The following ANO3 variants were observed in gnomAD, a reference collection of about 807,000 sequenced individuals.
ANO3 encodes the protein anoctamin 3.
In ANO3, 99 loss-of-function variants were observed where a neutral mutation model predicts 144.8. The observed-to-expected ratio is 0.68, with a 90% CI of 0.58 to 0.81. The LOEUF is 0.81. Among genes scored for constraint, ANO3 ranks in the 30% least tolerant of loss-of-function variants. ANO3 has a pLI of 0.00. For missense variants in ANO3, 905 were observed against 1,202.2 expected (o/e 0.75, Z 3.66); for synonymous variants, 414 against 392.6 (o/e 1.05, Z -0.64).
intron 1 of ANO3, among the ~76,000 whole-genome samples, chr11:26,300,858 T>C (rs1368605646): frequency 7.9e-6 from 1 of 125,810 alleles, no homozygotes; most frequent in Non-Finnish European, 1.6e-5. Flanking sequence ...TTTTTTTCTT[T>C]TTTTTTTTTT....
At chr11:26,355,514 T>C (rs1470385168) in intron 1 of ANO3, among the ~76,000 whole-genome samples, 1 of 152,084 alleles carries the variant, frequency 6.6e-6, no homozygotes, top group Non-Finnish European at 1.5e-5. Context: ...TTCTACACTG[T>C]TGGGGTCTTG....
At chr11:26,480,571 G>A (rs1416718334) in intron 4 of ANO3, among the ~76,000 whole-genome samples, 1 of 152,160 alleles carries the variant, frequency 6.6e-6, no homozygotes, top group Non-Finnish European at 1.5e-5. Flanking sequence ...ACTTTGGGAG[G>A]CCAAGATGTG....
intron 3 of ANO3, among the ~76,000 whole-genome samples, chr11:26,455,928 C>T (rs1374464508): frequency 1.3e-5 from 2 of 151,768 alleles, no homozygotes; most frequent in Non-Finnish European, 2.9e-5. Flanking sequence ...CATATATCTA[C>T]AACTATCTGA....
chr11:26,221,880 C>T (rs923058858), intron 1 of ANO3, among the ~76,000 whole-genome samples: 2 of 152,164 alleles, frequency 1.3e-5, no homozygotes, highest in Non-Finnish European at 2.9e-5. Flanking sequence ...CCTCCATGAC[C>T]TAAATACCTC....
intron 3 of ANO3, among the ~76,000 whole-genome samples, chr11:26,457,441 A>G (rs1227070307): frequency 1.3e-5 from 2 of 151,884 alleles, no homozygotes; most frequent in Non-Finnish European, 2.9e-5. Context: ...AATTAAAGAT[A>G]GGACTTTTTT....
intron 1 of ANO3, among the ~76,000 whole-genome samples, chr11:26,261,211 AT>A (rs200304589): frequency 9.9e-5 from 15 of 151,058 alleles, no homozygotes; most frequent in East Asian, 2.0e-4. Context: ...GCTTTTCACT[AT>A]TTTTTTTTAC....
intron 1 of ANO3, among the ~76,000 whole-genome samples, chr11:26,206,627 T>C (rs1221105831): frequency 2.6e-5 from 4 of 152,164 alleles, no homozygotes; most frequent in Admixed American, 6.6e-5. Context: ...GAAAAACATG[T>C]ACAAGGACAA....
rs1851723388 is a variant in ANO3 at position 26,599,133 on chromosome 11, T to C, written c.1671+135T>C. On this transcript the variant is annotated intron_variant, in intron 16 of 26. Transcript: ENST00000256737. ...TCCAACAACTTGGTAACACGTACAA[T>C]TAAACAAACAAATCACAACAGGTTA... is the stretch of plus-strand genomic sequence containing the variant. 4 of 917,804 alleles carry C rather than the reference T, an allele frequency of 4.4e-6. No homozygotes were observed. The East Asian group carries it at 1.0e-4, about 24-fold the overall frequency. 56.9% of individuals were successfully genotyped at this position (917,804 alleles called of 1,614,324 possible). A position where few individuals can be genotyped will look rare whatever the true frequency, so the allele number is the denominator to read the frequency against.
upstream of ANO3, chr11:26,332,062 A>G (rs1323650243): frequency 2.9e-6 from 4 of 1,402,612 alleles, no homozygotes; most frequent in Non-Finnish European, 3.7e-6. Flanking sequence ...AGTAGCCGCT[A>G]AGGGGAGCCG....
chr11:26,592,953 G>A (rs1851495728), intron 14 of ANO3, among the ~76,000 whole-genome samples: 1 of 152,050 alleles, frequency 6.6e-6, no homozygotes, highest in South Asian at 2.1e-4. Context: ...TACTCCATAT[G>A]AGGGGTCCTT....
At chr11:26,221,157 T>C (rs1852135578) in intron 1 of ANO3, among the ~76,000 whole-genome samples, 1 of 152,192 alleles carries the variant, frequency 6.6e-6, no homozygotes, top group Non-Finnish European at 1.5e-5. Flanking sequence ...ATCGAAGGAA[T>C]GTGGTGTGAC....
At chr11:26,299,540 C>G (rs908370370) in intron 1 of ANO3, among the ~76,000 whole-genome samples, 1 of 151,872 alleles carries the variant, frequency 6.6e-6, no homozygotes, top group African/African-American at 2.4e-5. Context: ...AGAGAGATTG[C>G]CTTTTTTTTT....
chr11:26,279,107 C>G (rs1411316105), intron 1 of ANO3, among the ~76,000 whole-genome samples: 1 of 152,058 alleles, frequency 6.6e-6, no homozygotes, highest in Non-Finnish European at 1.5e-5. Flanking sequence ...TATCTGGTGA[C>G]CACTCCAATA....
intron 1 of ANO3, among the ~76,000 whole-genome samples, chr11:26,218,850 T>C (rs756585187): frequency 6.6e-6 from 1 of 152,204 alleles, no homozygotes; most frequent in Non-Finnish European, 1.5e-5. Flanking sequence ...AGAGAGATAG[T>C]GTCCTGCAAA....
At chr11:26,627,583 A>T (rs1852627764) in intron 18 of ANO3, among the ~76,000 whole-genome samples, 2 of 152,074 alleles carry the variant, frequency 1.3e-5, no homozygotes, top group Non-Finnish European at 2.9e-5. Flanking sequence ...TATACCCAGG[A>T]TTGAAGCAAA....
chr11:26,327,219 G>T (rs751459534), upstream of ANO3, among the ~76,000 whole-genome samples: 2 of 152,144 alleles, frequency 1.3e-5, no homozygotes, highest in Admixed American at 6.5e-5. Context: ...TCGGCACCAT[G>T]ACAAATAGAA....
intron 1 of ANO3, among the ~76,000 whole-genome samples, chr11:26,381,634 G>A (rs995360516): frequency 6.6e-6 from 1 of 152,170 alleles, no homozygotes; most frequent in East Asian, 1.9e-4. Context: ...TATAATGTTT[G>A]TTGACTGAAA....
intron 1 of ANO3, among the ~76,000 whole-genome samples, chr11:26,335,315 A>G (rs543090847): frequency 6.6e-6 from 1 of 152,328 alleles, no homozygotes; most frequent in South Asian, 2.1e-4. Context: ...TTTCCTTACT[A>G]AAATTCATCT....
intron 7 of ANO3, 63 bp downstream of exon 7, chr11:26,525,742 A>C: frequency 7.9e-7 from 1 of 1,271,396 alleles, no homozygotes; most frequent in Admixed American, 2.1e-5. Flanking sequence ...ATAAGAAGAT[A>C]TTTGATTCCC....
Sources: allele counts gnomAD v4.1 joint callset (sites outside exome capture counted in the v4.1 genomes callset), GRCh38; gene constraint gnomAD v4.1.1; transcripts MANE v1.5; gene names NCBI Gene and HGNC (gene_info 2026-07-23, HGNC 2026-07-21).